KDM2B: variants seen among roughly 807,000 people sequenced by gnomAD.
The protein encoded by KDM2B is lysine demethylase 2B.
A neutral mutation model predicts 150.0 loss-of-function variants in KDM2B; 26 were observed. The observed-to-expected ratio is 0.17, with a 90% CI of 0.13 to 0.24. The LOEUF is 0.24. KDM2B is among the 10% of genes least tolerant of loss of function. The probability of loss-of-function intolerance (pLI) is 1.00; values close to 1 mark genes in which losing one functional copy is unlikely to be tolerated. For missense variants in KDM2B, 1,265 were observed against 1,816.9 expected (o/e 0.70, Z 5.52); for synonymous variants, 734 against 729.5 (o/e 1.01, Z -0.10).
chr12:121,530,565 A>G (rs1887584092), intron 8 of KDM2B, among the ~76,000 whole-genome samples: 1 of 141,994 alleles, frequency 7.0e-6, no homozygotes, highest in Admixed American at 6.9e-5. Flanking sequence ...GAGGGTGGCA[A>G]ATTCCAACTG....
intron 12 of KDM2B, among the ~76,000 whole-genome samples, chr12:121,492,014 C>T (rs1314278429): frequency 6.6e-6 from 1 of 151,936 alleles, no homozygotes; most frequent in East Asian, 1.9e-4. Context: ...AAAAACTAGC[C>T]AGGCGTGATG....
chr12:121,506,154 C>T (rs1012295662), intron 11 of KDM2B, among the ~76,000 whole-genome samples: 18 of 152,164 alleles, frequency 1.2e-4, no homozygotes, highest in African/African-American at 4.1e-4. Context: ...GGGCTACAGG[C>T]GCACACCACC....
At chr12:121,509,093 C>CT (rs1225124206) in intron 11 of KDM2B, among the ~76,000 whole-genome samples, 2 of 152,152 alleles carry the variant, frequency 1.3e-5, no homozygotes, top group Non-Finnish European at 2.9e-5. Context: ...GAGTCTTGCT[C>CT]TGTTGCCCAG....
At chr12:121,546,793 T>C (rs1376685375) in intron 6 of KDM2B, among the ~76,000 whole-genome samples, 1 of 151,020 alleles carries the variant, frequency 6.6e-6, no homozygotes, top group Non-Finnish European at 1.5e-5. Context: ...GTAAGCTCCA[T>C]CTCCCAGGTT....
intron 13 of KDM2B, among the ~76,000 whole-genome samples, chr12:121,446,836 T>C (rs539376801): frequency 6.6e-6 from 1 of 152,334 alleles, no homozygotes; most frequent in African/African-American, 2.4e-5. Flanking sequence ...AGATCAGTAA[T>C]CATATTAACA....
chr12:121,562,320 T>C (rs2136274323), intron 4 of KDM2B, among the ~76,000 whole-genome samples: 1 of 148,262 alleles, frequency 6.7e-6, no homozygotes, highest in East Asian at 2.0e-4. Flanking sequence ...CCATCTCTAC[T>C]AAAAATACAA....
intron 12 of KDM2B, among the ~76,000 whole-genome samples, chr12:121,484,890 A>C (rs1339191952): frequency 1.3e-5 from 2 of 152,158 alleles, no homozygotes; most frequent in African/African-American, 4.8e-5. Context: ...GATTGATAAC[A>C]AGGGTTGGGG....
At chr12:121,545,238 T>C (rs1437454818) in intron 6 of KDM2B, among the ~76,000 whole-genome samples, 1 of 152,196 alleles carries the variant, frequency 6.6e-6, no homozygotes. Context: ...ATTTCCAAGA[T>C]GACAATTTCC....
intron 11 of KDM2B, among the ~76,000 whole-genome samples, chr12:121,497,300 T>TTTTG (rs1293866772): frequency 5.3e-5 from 8 of 151,874 alleles, no homozygotes; most frequent in South Asian, 2.1e-4. Flanking sequence ...CAAAGTTGGG[T>TTTTG]TTTGTTTGTT....
At chr12:121,480,493 CCCAGCACTCTGGGAGGT>C (rs1309388965) in intron 12 of KDM2B, among the ~76,000 whole-genome samples, 2 of 149,838 alleles carry the variant, frequency 1.3e-5, no homozygotes, top group African/African-American at 4.9e-5. Flanking sequence ...TGTCTGTAAT[CCCAGCACTCTGGGAGGT>C]TGAGGCAGGA....
At chr12:121,433,203 A>C (rs11065575) in intron 22 of KDM2B, 168,674 of 456,438 alleles carry the variant, frequency 0.37, 32,912 homozygotes, top group East Asian at 0.44. Context: ...CTTCCAACAA[A>C]GAAGCTAGAA....
At chr12:121,472,222 A>G (rs1399989776) in intron 12 of KDM2B, among the ~76,000 whole-genome samples, 1 of 152,218 alleles carries the variant, frequency 6.6e-6, no homozygotes, top group Non-Finnish European at 1.5e-5. Flanking sequence ...TTATTTTACT[A>G]TTATTTTACC....
At chr12:121,580,021 A>G in intron 1 of KDM2B, 1 of 1,585,020 alleles carries the variant, frequency 6.3e-7, no homozygotes, top group Non-Finnish European at 8.6e-7. Flanking sequence ...GCTACACACC[A>G]ATCTTCTTCC....
chr12:121,549,312 T>A lies in KDM2B; in HGVS notation c.576+148A>T, dbSNP rs1555311362. The A allele has an allele frequency of 1.5e-6, 1 of 683,828 alleles. No individual in the cohort carries two copies. The highest frequency in any genetic ancestry group is 2.4e-6 in the Non-Finnish European group (1 of 415,878). 42.4% of individuals were successfully genotyped at this position (683,828 alleles called of 1,614,324 possible). A position where few individuals can be genotyped will look rare whatever the true frequency, so the allele number is the denominator to read the frequency against. On this transcript the variant is annotated intron_variant, in intron 5 of 22. Transcript: ENST00000377071. The surrounding 1 kb of genome is among the most constrained non-coding windows in gnomAD (Gnocchi z 4.4). ...AGATCCCTGTCTCTACAAACCACGT[T>A]ACCAACCTTAGTCACCCCTATGCCT...
intron 12 of KDM2B, among the ~76,000 whole-genome samples, chr12:121,481,215 C>G (rs1366412131): frequency 6.6e-6 from 1 of 152,072 alleles, no homozygotes; most frequent in Non-Finnish European, 1.5e-5. Context: ...TGTGAGCCAC[C>G]GGGCCCAGCC....
intron 12 of KDM2B, among the ~76,000 whole-genome samples, chr12:121,471,423 G>A (rs140888665): frequency 7.2e-5 from 11 of 152,242 alleles, no homozygotes; most frequent in Non-Finnish European, 1.0e-4. Context: ...TCTGGGTGTC[G>A]TGTACATTTC....
intron 16 of KDM2B, 64 bp from the exon 17 acceptor site, chr12:121,443,857 G>C: frequency 7.2e-7 from 1 of 1,387,344 alleles, no homozygotes; most frequent in Non-Finnish European, 9.9e-7. Flanking sequence ...CTTTGGGGCA[G>C]GGCTCTCAGG....
At position 121,521,054 on chromosome 12, in the gene KDM2B, G is replaced by A. The variant is rs554683740; in HGVS notation, c.978C>T (p.Gly326=). The change falls in exon 9 of 23, where the codon GGC becomes GGT. Residue 326 remains glycine, a synonymous_variant. Coordinates refer to ENST00000377071, the MANE Select transcript of KDM2B (RefSeq NM_032590.5). This position sits in a 1 kb window ranked among gnomAD's most constrained non-coding sequence, Gnocchi z 4.9. ...VYTPVDSLVF[G]GNILHSFNVP... is the part of the protein sequence containing the mutation. ...CGTTAAAGCTGTGCAGGATGTTTCC[G>A]CCGAACACCAAAGAGTCTACAGGGG... The A allele has an allele frequency of 8.1e-6, 13 of 1,613,954 alleles. No individual in the cohort carries two copies. The highest frequency in any genetic ancestry group is 4.4e-5 in the South Asian group (4 of 91,080).
intron 13 of KDM2B, among the ~76,000 whole-genome samples, chr12:121,449,601 GATA>G (rs1433858731): frequency 6.6e-6 from 1 of 152,192 alleles, no homozygotes; most frequent in Non-Finnish European, 1.5e-5. Flanking sequence ...GGGGCTGGGA[GATA>G]ATAATGCCAA....
Sources: gnomAD v4.1 joint callset for allele counts (sites outside exome capture counted in the v4.1 genomes callset) on GRCh38, gnomAD v4.1.1 for gene constraint, Gnocchi (gnomAD v3.1) non-coding constraint, MANE v1.5 for transcripts, NCBI Gene and HGNC (gene_info 2026-07-23, HGNC 2026-07-21) for gene names.